TYW1B: variants seen among roughly 807,000 people sequenced by gnomAD.
The protein encoded by TYW1B is S-adenosyl-L-methionine-dependent tRNA 4-demethylwyosine synthase TYW1B.
TYW1B carries 73 observed loss-of-function variants against 86.9 expected under a neutral mutation model. The observed-to-expected ratio is 0.84, with a 90% confidence interval of 0.70 to 1.02. The LOEUF is 1.02. TYW1B is among the 50% of genes least tolerant of loss of function. TYW1B has a pLI of 0.00. For missense variants in TYW1B, 637 were observed against 827.4 expected, an observed-to-expected ratio of 0.77 and a Z score of 2.82; for synonymous variants, 248 against 292.8, an observed-to-expected ratio of 0.85 and a Z score of 1.56.
intron 10 of TYW1B, among the ~76,000 whole-genome samples, chr7:72,703,445 A>G (rs373451086): frequency 6.6e-6 from 1 of 152,116 alleles, no homozygotes; most frequent in African/African-American, 2.4e-5. Flanking sequence ...GTTTAATTCC[A>G]TTGTGTTCAG....
At chr7:72,745,851 G>GGTGT (rs1162824267) in intron 7 of TYW1B, among the ~76,000 whole-genome samples, 1,199 of 75,126 alleles carry the variant, frequency 0.016, 12 homozygotes, top group Non-Finnish European at 0.024. Context: ...CGTGTATAGG[G>GGTGT]GTGTGTGTGT....
intron 11 of TYW1B, among the ~76,000 whole-genome samples, chr7:72,686,877 A>C (rs1260337845): frequency 1.3e-5 from 2 of 152,124 alleles, no homozygotes; most frequent in Non-Finnish European, 1.5e-5. Context: ...CTAAAATATA[A>C]AGTCCATTAA....
intron 6 of TYW1B, among the ~76,000 whole-genome samples, chr7:72,785,958 C>G (rs1219303278): frequency 6.6e-6 from 1 of 152,052 alleles, no homozygotes; most frequent in Non-Finnish European, 1.5e-5. Context: ...ACTAAAAATA[C>G]AAAAATTAGC....
chr7:72,749,418 T>C (rs1173982063), intron 7 of TYW1B, among the ~76,000 whole-genome samples: 9 of 152,184 alleles, frequency 5.9e-5, no homozygotes, highest in South Asian at 2.1e-4. Context: ...CTCAGCCTCC[T>C]GAGTAGCTGG....
At chr7:72,741,309 T>C (rs1161480623) in intron 8 of TYW1B, among the ~76,000 whole-genome samples, 1 of 151,900 alleles carries the variant, frequency 6.6e-6, no homozygotes, top group Non-Finnish European at 1.5e-5. Flanking sequence ...ACAGAAGATG[T>C]GAAAGAATAA....
chr7:72,822,162 CAAA>C (rs782637112), intron 2 of TYW1B, among the ~76,000 whole-genome samples: 1 of 36,384 alleles, frequency 2.7e-5, no homozygotes, highest in African/African-American at 1.1e-4. Context: ...GACCCTGTCT[CAAA>C]AAAAAAAAAA....
chr7:72,722,184 TTTTC>T, intron 9 of TYW1B, among the ~76,000 whole-genome samples: 1 of 152,294 alleles, frequency 6.6e-6, no homozygotes, highest in Middle Eastern at 3.4e-3. Flanking sequence ...CACCTTCACA[TTTTC>T]TTTATGATGT....
chr7:72,576,660 C>T (rs1451958504), intron 13 of TYW1B, among the ~76,000 whole-genome samples: 1 of 152,022 alleles, frequency 6.6e-6, no homozygotes, highest in African/African-American at 2.4e-5. Context: ...CTCTTGGCTC[C>T]CGCTAGCACA....
chr7:72,707,670 C>T (rs1554453931), intron 10 of TYW1B, among the ~76,000 whole-genome samples: 1 of 152,220 alleles, frequency 6.6e-6, no homozygotes, highest in African/African-American at 2.4e-5. Context: ...TTCTACACAG[C>T]ATCCACAACA....
intron 13 of TYW1B, among the ~76,000 whole-genome samples, chr7:72,583,975 A>C (rs1811215751): frequency 6.6e-6 from 1 of 152,264 alleles, no homozygotes; most frequent in Non-Finnish European, 1.5e-5. Flanking sequence ...GGTAGCTTTC[A>C]AACTGGAAAA....
In TYW1B at chr7:72,661,585, A is replaced by G. The variant is rs1403161124; in HGVS notation, c.1507-32588T>C. Among the ~76,000 whole-genome samples, 7 of 148,024 alleles carry G rather than the reference A, an allele frequency of 4.7e-5. No individual in the cohort carries two copies. In the East Asian group the frequency reaches 1.2e-3, roughly 25 times the overall value. ...AATTAAAGGTGTATAAAATGTTACT[A>G]ATATTCTCTATTCAACATTATTTCC... On this transcript the variant is annotated intron_variant, in intron 11 of 13. Transcript: ENST00000620995.
At chr7:72,601,751 G>GAA (rs782093005) in intron 13 of TYW1B, among the ~76,000 whole-genome samples, 5 of 109,044 alleles carry the variant, frequency 4.6e-5, no homozygotes, top group African/African-American at 1.4e-4. Context: ...ATTGCTAAGT[G>GAA]AAAAAAAAAA....
At chr7:72,664,548 G>T (rs1813415604) in intron 11 of TYW1B, among the ~76,000 whole-genome samples, 1 of 152,220 alleles carries the variant, frequency 6.6e-6, no homozygotes, top group East Asian at 1.9e-4. Context: ...GGAGCTAAAT[G>T]ATGAGAACAC....
intron 12 of TYW1B, among the ~76,000 whole-genome samples, chr7:72,626,903 C>T (rs1474980375): frequency 9.9e-5 from 15 of 151,886 alleles, no homozygotes; most frequent in Non-Finnish European, 1.9e-4. Flanking sequence ...CTCTCCCCAG[C>T]TTCACGCCCT....
intron 11 of TYW1B, among the ~76,000 whole-genome samples, chr7:72,683,930 A>C (rs1174641201): frequency 2.6e-5 from 4 of 152,078 alleles, no homozygotes; most frequent in African/African-American, 9.7e-5. Context: ...GCTCTAAAAC[A>C]CTCTAACTTT....
intron 2 of TYW1B, among the ~76,000 whole-genome samples, chr7:72,816,030 T>C (rs1788716223): frequency 1.3e-5 from 2 of 150,916 alleles, no homozygotes; most frequent in Non-Finnish European, 1.5e-5. Flanking sequence ...TCCTGTCTCA[T>C]AAAGAAAATA....
At chr7:72,682,821 G>C (rs1429991061) in intron 11 of TYW1B, among the ~76,000 whole-genome samples, 1 of 152,122 alleles carries the variant, frequency 6.6e-6, no homozygotes, top group Non-Finnish European at 1.5e-5. Flanking sequence ...CAGGGAAACT[G>C]AACTGTAATT....
chr7:72,638,092 A>G, intron 11 of TYW1B, among the ~76,000 whole-genome samples: 1 of 150,116 alleles, frequency 6.7e-6, no homozygotes, highest in Non-Finnish European at 1.5e-5. Flanking sequence ...ATGGGGGAAA[A>G]AAACACATGC....
rs188161375 is a variant in TYW1B, at chr7:72,617,176, T to C, written c.1618-337A>G. On this transcript the variant is annotated intron_variant, in intron 12 of 13. Coordinates refer to ENST00000620995, the MANE Select transcript of TYW1B (RefSeq NM_001145440.3). ...ATTCAGATTCATCTGTGCACTATAA[T>C]TGAGGAATTATGAAGGGGTTATCAC... Among the ~76,000 whole-genome samples, 19 of 152,260 alleles carry C rather than the reference T, an allele frequency of 1.2e-4. 1 individual carries two copies. Among genetic ancestry groups the C allele is most frequent in the African/African-American group, 4.1e-4 (17 of 41,566 alleles).
Sources: gnomAD v4.1 joint callset for allele counts (sites outside exome capture counted in the v4.1 genomes callset) on GRCh38, gnomAD v4.1.1 for gene constraint, MANE v1.5 for transcripts, NCBI Gene and HGNC (gene_info 2026-07-23, HGNC 2026-07-21) for gene names.